The following PLCL1 variants were observed in gnomAD, a reference collection of about 807,000 sequenced individuals.
PLCL1 encodes phospholipase C like 1 (inactive), also known as inactive phospholipase C-like protein 1.
PLCL1 carries 41 observed loss-of-function variants against 84.4 expected under a neutral mutation model. That is an observed-to-expected ratio of 0.49 (90% CI 0.38 to 0.63). The LOEUF is 0.63. PLCL1 is among the 30% of genes least tolerant of loss of function. PLCL1 has a pLI of 0.00. For synonymous variants in PLCL1, 490 were observed against 488.3 expected, an observed-to-expected ratio of 1.00 and a Z score of -0.05; for missense variants, 1,206 against 1,367.8, an observed-to-expected ratio of 0.88 and a Z score of 1.87.
chr2:198,099,978 A>G (rs1436253732), intron 3 of PLCL1, among the ~76,000 whole-genome samples: 1 of 152,312 alleles, frequency 6.6e-6, no homozygotes, highest in African/African-American at 2.4e-5. Context: ...ATACAAAATT[A>G]CAGAAAAATG....
intron 1 of PLCL1, among the ~76,000 whole-genome samples, chr2:197,941,220 T>C (rs1689152479): frequency 6.6e-6 from 1 of 152,002 alleles, no homozygotes. Flanking sequence ...TTCCTTTTAT[T>C]GAACTAAGTA....
intron 1 of PLCL1, among the ~76,000 whole-genome samples, chr2:198,026,891 A>G (rs994468187): frequency 6.6e-6 from 1 of 152,200 alleles, no homozygotes; most frequent in African/African-American, 2.4e-5. Flanking sequence ...GTGTGGAGAA[A>G]AGAGAACTCT....
At chr2:197,981,232 G>T (rs1411553217) in intron 1 of PLCL1, among the ~76,000 whole-genome samples, 1 of 152,136 alleles carries the variant, frequency 6.6e-6, no homozygotes, top group Non-Finnish European at 1.5e-5. Context: ...CACACATGTA[G>T]CTTGTAGTGA....
intron 3 of PLCL1, 59 bp downstream of exon 3, chr2:198,089,120 C>T: frequency 8.3e-7 from 1 of 1,204,874 alleles, no homozygotes. Flanking sequence ...TCACAAATAG[C>T]AGGGACTCCT....
At chr2:198,077,338 A>C (rs192816191) in intron 1 of PLCL1, among the ~76,000 whole-genome samples, 1 of 152,206 alleles carries the variant, frequency 6.6e-6, no homozygotes, top group African/African-American at 2.4e-5. Context: ...GTATAATAAT[A>C]AAAAATAATA....
intron 5 of PLCL1, among the ~76,000 whole-genome samples, chr2:198,115,217 C>A (rs1232332744): frequency 6.6e-6 from 1 of 151,702 alleles, no homozygotes; most frequent in East Asian, 1.9e-4. Context: ...AGTTCCAGGG[C>A]CTAAGGGGAA....
chr2:198,124,293 T>G (rs1693938509), intron 5 of PLCL1, among the ~76,000 whole-genome samples: 1 of 152,134 alleles, frequency 6.6e-6, no homozygotes, highest in Non-Finnish European at 1.5e-5. Flanking sequence ...GCTTCTGCCT[T>G]TCCCAGATAT....
chr2:197,809,434 T>A (rs1384585460), intron 1 of PLCL1, among the ~76,000 whole-genome samples: 1 of 152,200 alleles, frequency 6.6e-6, no homozygotes, highest in Admixed American at 6.5e-5. Context: ...AGAGTACGCA[T>A]CTTAGGTCCT....
At chr2:198,011,280 A>C (rs555316992) in intron 1 of PLCL1, among the ~76,000 whole-genome samples, 1 of 151,678 alleles carries the variant, frequency 6.6e-6, no homozygotes, top group African/African-American at 2.4e-5. Context: ...TACTGCTTTC[A>C]CTGCATTCCA....
chr2:197,835,017 G>T (rs1204739568), intron 1 of PLCL1, among the ~76,000 whole-genome samples: 1 of 152,184 alleles, frequency 6.6e-6, no homozygotes, highest in African/African-American at 2.4e-5. Flanking sequence ...GATGAAGCTG[G>T]AAACCATCAT....
At chr2:198,031,854 CTA>C (rs1051530290) in intron 1 of PLCL1, among the ~76,000 whole-genome samples, 34 of 151,922 alleles carry the variant, frequency 2.2e-4, no homozygotes, top group African/African-American at 7.5e-4. Flanking sequence ...ATTTGTGCCT[CTA>C]TATATGTTGG....
At chr2:197,899,547 G>A (rs1474207365) in intron 1 of PLCL1, among the ~76,000 whole-genome samples, 1 of 151,942 alleles carries the variant, frequency 6.6e-6, no homozygotes, top group Non-Finnish European at 1.5e-5. Context: ...ATAATCTGAT[G>A]GGCTATAGAG....
Position 198,029,516 on chromosome 2 carries a change from G to A in PLCL1, c.241-54242G>A, listed in dbSNP as rs573120803. ...TATCTCTATACCCCGAAGAACAACT[G>A]GAGTGCAGGAAAAGCAGGGTTTTAG... On this transcript the variant is annotated intron_variant, in intron 1 of 5. Coordinates refer to ENST00000428675, the MANE Select transcript of PLCL1 (RefSeq NM_006226.4). Among the ~76,000 whole-genome samples, 5 of 152,228 alleles carry A rather than the reference G, an allele frequency of 3.3e-5. No homozygotes were observed. In the South Asian group the frequency reaches 1.0e-3, roughly 32 times the overall value.
At chr2:197,971,521 G>A (rs1689863544) in intron 1 of PLCL1, among the ~76,000 whole-genome samples, 1 of 152,182 alleles carries the variant, frequency 6.6e-6, no homozygotes, top group Admixed American at 6.5e-5. Context: ...TGTTCCATTG[G>A]CTAAGGAGCG....
intron 1 of PLCL1, among the ~76,000 whole-genome samples, chr2:197,865,284 A>G (rs1687507886): frequency 6.6e-6 from 1 of 152,174 alleles, no homozygotes; most frequent in African/African-American, 2.4e-5. Context: ...GGTGAGTTAT[A>G]GGTTGTATAT....
intron 1 of PLCL1, among the ~76,000 whole-genome samples, chr2:197,909,762 G>A (rs1411300295): frequency 6.6e-6 from 1 of 152,186 alleles, no homozygotes; most frequent in Non-Finnish European, 1.5e-5. Context: ...TAAAGTTTAT[G>A]CTGTCTGCCC....
chr2:198,125,652 A>G (rs2105931505), intron 5 of PLCL1, among the ~76,000 whole-genome samples: 1 of 152,284 alleles, frequency 6.6e-6, no homozygotes, highest in East Asian at 1.9e-4. Flanking sequence ...ACTTTATTAA[A>G]ACATGCAACC....
In PLCL1 at chr2:198,088,908, T is replaced by G; in HGVS notation, c.2766T>G (p.Ser922Arg). Residue 922 changes from serine to arginine, a missense_variant, in exon 3 of 6, where the codon AGT becomes AGG. Physicochemically the swap from Ser to Arg is moderately radical, Grantham distance 110. Coordinates refer to ENST00000428675, the MANE Select transcript of PLCL1 (RefSeq NM_006226.4). ...KELCGLPPIA[S>R]LKQCLLTLSS... ...TATGTGGACTCCCTCCAATTGCCAG[T>G]CTGAAGCAGTGCCTGTTAACTCTGT... is the stretch of plus-strand genomic sequence containing the variant. 6.2e-7 allele frequency: 1 copy of G among 1,613,146 alleles called. No homozygotes were observed. Among genetic ancestry groups the G allele is most frequent in the Non-Finnish European group, 8.5e-7 (1 of 1,179,086 alleles).
At chr2:197,911,771 A>T (rs1434036812) in intron 1 of PLCL1, among the ~76,000 whole-genome samples, 1 of 152,202 alleles carries the variant, frequency 6.6e-6, no homozygotes, top group Non-Finnish European at 1.5e-5. Context: ...TTCAGTAAAA[A>T]CATTGGGCAT....
Sources: allele counts gnomAD v4.1 joint callset (sites outside exome capture counted in the v4.1 genomes callset), GRCh38; gene constraint gnomAD v4.1.1; transcripts MANE v1.5; gene names NCBI Gene and HGNC (gene_info 2026-07-23, HGNC 2026-07-21).